WARS2: variants seen among roughly 807,000 people sequenced by gnomAD.
The protein encoded by WARS2 is tryptophanyl tRNA synthetase 2, mitochondrial.
A neutral mutation model predicts 36.5 loss-of-function variants in WARS2; 28 were observed. That is an observed-to-expected ratio of 0.77 (90% CI 0.57 to 1.05). WARS2 has a LOEUF of 1.05. Among genes scored for constraint, WARS2 ranks in the 50% least tolerant of loss-of-function variants. The probability of loss-of-function intolerance (pLI) is 0.00; values close to 1 mark genes in which losing one functional copy is unlikely to be tolerated. For synonymous variants in WARS2, 174 were observed against 178.4 expected (o/e 0.98, Z 0.20); for missense variants, 435 against 456.8 (o/e 0.95, Z 0.44).
chr1:119,071,492 C>T (rs1170545008), intron 2 of WARS2, among the ~76,000 whole-genome samples: 1 of 152,124 alleles, frequency 6.6e-6, no homozygotes, highest in Non-Finnish European at 1.5e-5. Flanking sequence ...TATATACACA[C>T]AATGGAATAC....
rs587756728 is a variant in WARS2, at chr1:119,115,236, T to C, written c.90+25319A>G. Among the ~76,000 whole-genome samples, 5 of 152,314 alleles carry C rather than the reference T, an allele frequency of 3.3e-5. No homozygotes were observed. The East Asian group carries it at 9.6e-4, about 29-fold the overall frequency. ...CTATAAGAAAGGGGATAGACTAGGA[T>C]AAAGGGCGATGGAGCTTCCTCAGTT... On this transcript the variant is annotated intron_variant, in intron 1 of 5. Coordinates refer to ENST00000235521, the MANE Select transcript of WARS2 (RefSeq NM_015836.4).
At chr1:119,036,095 T>G (rs980819521) in intron 4 of WARS2, among the ~76,000 whole-genome samples, 1 of 152,076 alleles carries the variant, frequency 6.6e-6, no homozygotes, top group Non-Finnish European at 1.5e-5. Context: ...TCCCAGGTAC[T>G]CCGGAGGCTG....
intron 1 of WARS2, among the ~76,000 whole-genome samples, chr1:119,136,012 TAC>T (rs1656480719): frequency 6.6e-6 from 1 of 152,126 alleles, no homozygotes. Flanking sequence ...GCTCAAGAAA[TAC>T]ACCTGCTTCG....
At chr1:119,097,050 T>A (rs929162860) in intron 1 of WARS2, among the ~76,000 whole-genome samples, 13 of 152,208 alleles carry the variant, frequency 8.5e-5, no homozygotes, top group Non-Finnish European at 1.9e-4. Context: ...TAAATGCTCA[T>A]GTCTGGACCA....
chr1:119,032,835 T>G lies in WARS2; in HGVS notation c.*76A>C. 1 of 1,393,480 alleles carries G rather than the reference T, an allele frequency of 7.2e-7. No homozygotes were observed. The highest frequency in any genetic ancestry group is 9.8e-7 in the Non-Finnish European group (1 of 1,023,556). The allele number at this position is 1,393,480 out of a possible 1,614,324, so 86.3% of individuals were successfully genotyped here. ...AATGTCCCAAAACTATAACTTTTTC[T>G]TTTTAGGAAAGCTGCCGTTATCAGA... On this transcript the variant is annotated 3_prime_UTR_variant, in exon 6 of 6. Coordinates refer to ENST00000235521, the MANE Select transcript of WARS2 (RefSeq NM_015836.4).
chr1:119,133,988 A>G (rs1381943864), intron 1 of WARS2, among the ~76,000 whole-genome samples: 1 of 152,092 alleles, frequency 6.6e-6, no homozygotes, highest in Non-Finnish European at 1.5e-5. Flanking sequence ...TTAAAATAGG[A>G]TATTATTAAA....
At chr1:119,102,875 ACT>A (rs1400264731) in intron 1 of WARS2, among the ~76,000 whole-genome samples, 1 of 152,172 alleles carries the variant, frequency 6.6e-6, no homozygotes, top group Non-Finnish European at 1.5e-5. Context: ...ATCAACTGAC[ACT>A]GTTTATTATC....
At chr1:119,034,579 C>T (rs12406338) in intron 4 of WARS2, among the ~76,000 whole-genome samples, 25,929 of 152,174 alleles carry the variant, frequency 0.17, 3,381 homozygotes, top group East Asian at 0.49. Flanking sequence ...CCAGCCCTGA[C>T]CAGATGCTCT....
At chr1:119,139,435 A>G (rs1269493351) in intron 1 of WARS2, among the ~76,000 whole-genome samples, 1 of 152,180 alleles carries the variant, frequency 6.6e-6, no homozygotes, top group Non-Finnish European at 1.5e-5. Flanking sequence ...CTTCATAATC[A>G]TGGAACTATA....
In WARS2 at chr1:119,053,097, G is replaced by A. The variant is rs188885383; in HGVS notation, c.349-7435C>T. On this transcript the variant is annotated intron_variant, in intron 2 of 5. Transcript: ENST00000235521. ...AATGGGTGAGGACATATAATCCTCCGAAGCAGGGGTCAGCAAACTACTGCT... is the reference window on the plus strand; with the variant it reads ...AATGGGTGAGGACATATAATCCTCCAAAGCAGGGGTCAGCAAACTACTGCT... 1.4e-3 allele frequency among the ~76,000 whole-genome samples: 220 copies of A among 152,316 alleles called. 1 individual carries two copies. Among genetic ancestry groups the A allele is most frequent in the African/African-American group, 4.9e-3 (205 of 41,568 alleles).
intron 3 of WARS2, 122 bp from the exon 4 acceptor site, chr1:119,042,471 A>T (rs1648456347): frequency 1.3e-6 from 1 of 788,924 alleles, no homozygotes; most frequent in African/African-American, 1.7e-5. Context: ...CTGTAATAAC[A>T]TTATACATCG....
At chr1:119,077,475 TATATTGTTG>T (rs1033262091) in intron 1 of WARS2, among the ~76,000 whole-genome samples, 23 of 152,216 alleles carry the variant, frequency 1.5e-4, no homozygotes, top group Non-Finnish European at 2.9e-4. Context: ...AAGATTTTTT[TATATTGTTG>T]ATATTATAAT....
chr1:119,128,565 C>CCCCACCACCCACCCACT (rs1553181986), intron 1 of WARS2, among the ~76,000 whole-genome samples: 1 of 148,590 alleles, frequency 6.7e-6, no homozygotes, highest in Non-Finnish European at 1.5e-5. Flanking sequence ...ATTTAACATT[C>CCCCACCACCCACCCACT]CCCACCACCC....
chr1:119,110,160 T>C (rs1654530730), intron 1 of WARS2, among the ~76,000 whole-genome samples: 1 of 152,036 alleles, frequency 6.6e-6, no homozygotes, highest in South Asian at 2.1e-4. Flanking sequence ...TTGTTATCTA[T>C]TAGCTAAATT....
intron 4 of WARS2, among the ~76,000 whole-genome samples, chr1:119,040,706 C>T (rs1012271140): frequency 1.3e-5 from 2 of 152,214 alleles, no homozygotes; most frequent in Non-Finnish European, 2.9e-5. Flanking sequence ...AACCAAGTAA[C>T]AGCTCCTAGT....
intron 1 of WARS2, among the ~76,000 whole-genome samples, chr1:119,129,469 G>A (rs1655933364): frequency 6.6e-6 from 1 of 152,138 alleles, no homozygotes; most frequent in Non-Finnish European, 1.5e-5. Context: ...AACACTTTGG[G>A]AGGCTGAGGC....
chr1:119,082,898 G>A (rs1652313625), intron 1 of WARS2, among the ~76,000 whole-genome samples: 1 of 152,174 alleles, frequency 6.6e-6, no homozygotes, highest in Non-Finnish European at 1.5e-5. Context: ...ATTAAGTCAT[G>A]AGGGTTCTGT....
chr1:119,063,053 G>A (rs1296063939), intron 2 of WARS2: 1 of 152,402 alleles, frequency 6.6e-6, no homozygotes, highest in Non-Finnish European at 1.5e-5. Flanking sequence ...CTAGAGACTT[G>A]TTGAATGGCT....
chr1:119,114,837 T>C (rs754395780), intron 1 of WARS2, among the ~76,000 whole-genome samples: 11 of 152,190 alleles, frequency 7.2e-5, no homozygotes, highest in African/African-American at 1.7e-4. Flanking sequence ...TATCACAGCG[T>C]AGATGGCTTC....
Sources: allele counts gnomAD v4.1 joint callset (sites outside exome capture counted in the v4.1 genomes callset), GRCh38; gene constraint gnomAD v4.1.1; transcripts MANE v1.5; gene names NCBI Gene and HGNC (gene_info 2026-07-23, HGNC 2026-07-21).